The following CAST variants were observed in gnomAD, a reference collection of about 807,000 sequenced individuals.
CAST encodes calpastatin.
CAST carries 76 observed loss-of-function variants against 119.6 expected under a neutral mutation model. The ratio of observed to expected loss-of-function variants is 0.64; its 90% CI spans 0.53 to 0.77. The LOEUF (loss-of-function observed/expected upper bound fraction) is 0.77. Ranked by LOEUF, CAST falls within the 30% of genes least tolerant of loss-of-function variation. The probability of loss-of-function intolerance (pLI) is 0.00; values close to 1 mark genes in which losing one functional copy is unlikely to be tolerated. For synonymous variants in CAST, 319 were observed against 331.6 expected (o/e 0.96, Z 0.41); for missense variants, 953 against 946.5 (o/e 1.01, Z -0.09).
chr5:96,770,509 C>A lies in CAST; in HGVS notation c.2269-22C>A, dbSNP rs139557660. The A allele has an allele frequency of 1.1e-4, 175 of 1,554,420 alleles. 2 individuals carry two copies. The African/African-American group carries it at 1.7e-3, about 15-fold the overall frequency. On this transcript the variant is annotated intron_variant, in intron 29 of 31. Coordinates refer to ENST00000675179, the MANE Select transcript of CAST (RefSeq NM_001750.7). ...GATGGATTGGTGATAGCCATAGCCT[C>A]ATTACATTTCCTTTGCTTTAGGATA...
chr5:96,523,871 C>T (rs538196611), upstream of CAST, among the ~76,000 whole-genome samples: 1 of 152,300 alleles, frequency 6.6e-6, no homozygotes, highest in East Asian at 1.9e-4. Flanking sequence ...CACTTAACCT[C>T]CCATTGGGCA....
intron 2 of CAST, among the ~76,000 whole-genome samples, chr5:96,684,053 G>A (rs560136276): frequency 6.6e-6 from 1 of 152,196 alleles, no homozygotes; most frequent in Non-Finnish European, 1.5e-5. Context: ...GATACATTCT[G>A]AGTGTAGGGT....
chr5:96,228,618 C>T, the CAST span, among the ~76,000 whole-genome samples: 17 of 152,218 alleles, frequency 1.1e-4, no homozygotes, highest in Admixed American at 5.9e-4. Context: ...CCTGTCTTTG[C>T]GTGAAAAGGC....
At chr5:96,214,060 A>G in the CAST span, among the ~76,000 whole-genome samples, 1 of 152,218 alleles carries the variant, frequency 6.6e-6, no homozygotes, top group Non-Finnish European at 1.5e-5. Flanking sequence ...TACCGGCAAC[A>G]TTTAAATAAA....
the CAST span, among the ~76,000 whole-genome samples, chr5:96,434,966 T>A: frequency 6.6e-6 from 1 of 152,256 alleles, no homozygotes; most frequent in Admixed American, 6.5e-5. Context: ...TGGGCTCCGA[T>A]TGATAGCTTT....
chr5:96,271,620 A>G, the CAST span, among the ~76,000 whole-genome samples: 8 of 152,010 alleles, frequency 5.3e-5, no homozygotes. Flanking sequence ...TTAAAGACTT[A>G]AACCTAAGAC....
At chr5:96,187,086 A>G in the CAST span, among the ~76,000 whole-genome samples, 1 of 152,238 alleles carries the variant, frequency 6.6e-6, no homozygotes, top group African/African-American at 2.4e-5. Flanking sequence ...GGGAGGCTGT[A>G]TGTGTCCAGG....
rs117338707 is a variant in CAST, at chr5:96,675,236, G to A, written c.76-303G>A. On this transcript the variant is annotated intron_variant, in intron 1 of 31. Coordinates refer to ENST00000675179, the MANE Select transcript of CAST (RefSeq NM_001750.7). ...CTCCTTGATGAATGAGATGTCTACC[G>A]TGCTGAAAACTTGAGCTTAAAATTC... Among the ~76,000 whole-genome samples the A allele has an allele frequency of 7.2e-4, 109 of 152,298 alleles. No individual in the cohort carries two copies. In the East Asian group the frequency reaches 0.018, roughly 25 times the overall value.
the CAST span, among the ~76,000 whole-genome samples, chr5:96,218,035 G>A: frequency 1.7e-3 from 262 of 152,278 alleles, 2 homozygotes; most frequent in African/African-American, 5.9e-3. Flanking sequence ...TGAAAGTTCT[G>A]GGGGGTGGCC....
chr5:96,092,108 C>G, the CAST span, among the ~76,000 whole-genome samples: 1 of 152,220 alleles, frequency 6.6e-6, no homozygotes, highest in South Asian at 2.1e-4. Flanking sequence ...TTACCATTCT[C>G]ATTTGACTGA....
At chr5:96,452,935 C>T in the CAST span, among the ~76,000 whole-genome samples, 1 of 102,050 alleles carries the variant, frequency 9.8e-6, no homozygotes, top group African/African-American at 4.6e-5. Flanking sequence ...CCGGCCTGGG[C>T]GACAGAGCGA....
chr5:96,592,755 T>C (rs551538211), intron 1 of CAST, among the ~76,000 whole-genome samples: 2 of 134,026 alleles, frequency 1.5e-5, no homozygotes, highest in South Asian at 5.1e-4. Context: ...TACATTTCTG[T>C]TTTATTTTCT....
At chr5:96,471,341 A>C in the CAST span, among the ~76,000 whole-genome samples, 5 of 152,290 alleles carry the variant, frequency 3.3e-5, no homozygotes, top group African/African-American at 1.2e-4. Context: ...ATCTTCAGCT[A>C]AAATTACATT....
the CAST span, among the ~76,000 whole-genome samples, chr5:96,287,552 T>A: frequency 6.6e-6 from 1 of 152,156 alleles, no homozygotes; most frequent in Admixed American, 6.5e-5. Flanking sequence ...CTGGCTTTTT[T>A]TCTTCCCTGT....
At chr5:96,089,362 T>C in the CAST span, among the ~76,000 whole-genome samples, 1 of 152,136 alleles carries the variant, frequency 6.6e-6, no homozygotes, top group Non-Finnish European at 1.5e-5. Flanking sequence ...TGAGAATGTA[T>C]CCCAAAAGTA....
intron 2 of CAST, among the ~76,000 whole-genome samples, chr5:96,683,916 A>G (rs1280296500): frequency 1.3e-5 from 2 of 152,112 alleles, no homozygotes; most frequent in Non-Finnish European, 2.9e-5. Context: ...TAGGACAAAA[A>G]CTCTGTGCCA....
At chr5:96,336,543 C>G in the CAST span, among the ~76,000 whole-genome samples, 1 of 152,190 alleles carries the variant, frequency 6.6e-6, no homozygotes, top group Admixed American at 6.5e-5. Context: ...TTCTTGTAAA[C>G]CCGGCAGAAC....
At chr5:96,252,661 C>G in the CAST span, among the ~76,000 whole-genome samples, 1 of 152,154 alleles carries the variant, frequency 6.6e-6, no homozygotes, top group Non-Finnish European at 1.5e-5. Flanking sequence ...ATAAGCTTCA[C>G]ATTTTAATGA....
At chr5:96,565,339 A>G (rs1746446941) in intron 1 of CAST, among the ~76,000 whole-genome samples, 1 of 152,188 alleles carries the variant, frequency 6.6e-6, no homozygotes, top group East Asian at 1.9e-4. Flanking sequence ...TGATCATTCT[A>G]CAAGGTATAC....
Sources: gnomAD v4.1 joint callset for allele counts (sites outside exome capture counted in the v4.1 genomes callset) on GRCh38, gnomAD v4.1.1 for gene constraint, MANE v1.5 for transcripts, NCBI Gene and HGNC (gene_info 2026-07-23, HGNC 2026-07-21) for gene names.